The following PNPLA5 variants were observed in gnomAD, a reference collection of about 807,000 sequenced individuals.
PNPLA5 encodes the protein patatin like domain 5, triacylglycerol lipase, also known as patatin-like phospholipase domain-containing protein 5.
In PNPLA5, 44 loss-of-function variants were observed where a neutral mutation model predicts 49.1. That is an observed-to-expected ratio of 0.90 (90% confidence interval 0.70 to 1.15). The LOEUF is 1.15. Among genes scored for constraint, PNPLA5 ranks in the 50% most tolerant of loss-of-function variants. The probability of loss-of-function intolerance (pLI) is 0.00; values close to 1 mark genes in which losing one functional copy is unlikely to be tolerated. For missense variants in PNPLA5, 603 were observed against 564.0 expected (o/e 1.07, Z -0.70); for synonymous variants, 243 against 244.4 (o/e 0.99, Z 0.06).
chr22:43,890,724 T>C lies in PNPLA5; in HGVS notation c.426+338A>G, dbSNP rs1435204729. Among the ~76,000 whole-genome samples, 5 of 152,148 alleles carry C rather than the reference T, an allele frequency of 3.3e-5. 1 individual carries two copies. The highest frequency in any genetic ancestry group is 1.5e-5 in the Non-Finnish European group (1 of 68,024). ...GCACATAATAGGTGTTCAATAAATG[T>C]CAACCCACCGCCAAAAAGCGGCGGG... is the stretch of plus-strand genomic sequence containing the variant. On this transcript the variant is annotated intron_variant, in intron 2 of 8. Transcript: ENST00000216177.
intron 4 of PNPLA5, among the ~76,000 whole-genome samples, chr22:43,888,176 C>T (rs1254013989): frequency 6.6e-6 from 1 of 152,194 alleles, no homozygotes; most frequent in Non-Finnish European, 1.5e-5. Context: ...TGTGAGACTT[C>T]AGCATGGCAG....
chr22:43,881,225 G>A (rs934647518), intron 8 of PNPLA5, among the ~76,000 whole-genome samples: 6 of 152,346 alleles, frequency 3.9e-5, no homozygotes, highest in African/African-American at 1.4e-4. Context: ...CCTCGTCCAA[G>A]GTCACGTGGG....
intron 4 of PNPLA5, 84 bp downstream of exon 4, chr22:43,889,245 T>C: frequency 6.8e-7 from 1 of 1,479,484 alleles, no homozygotes; most frequent in Non-Finnish European, 9.2e-7. Context: ...CGGGGGGCAG[T>C]GGGGGTTAGG....
intron 2 of PNPLA5, among the ~76,000 whole-genome samples, chr22:43,890,214 T>C (rs1378234647): frequency 2.6e-5 from 4 of 152,192 alleles, no homozygotes; most frequent in African/African-American, 4.8e-5. Context: ...ACACATTAGC[T>C]GCCGTGACTG....
At position 43,889,508 on chromosome 22, in the gene PNPLA5, A is replaced by T. The variant is rs771602901; in HGVS notation, c.523T>A (p.Leu175Met). Residue 175 changes from leucine to methionine, a missense_variant, in exon 4 of 9, where the codon TTG (leucine) becomes ATG (methionine). Coordinates refer to ENST00000216177, the MANE Select transcript of PNPLA5 (RefSeq NM_138814.4). ...RYIDGALSNN[L>M]PFADCPSTIT... ...GTGGAGGGGCAGTCTGCAAAGGGCAAGTTGTTGCTCAGAGCCCCATCGATG... is the reference window on the plus strand; with the variant it reads ...GTGGAGGGGCAGTCTGCAAAGGGCATGTTGTTGCTCAGAGCCCCATCGATG... The T allele has an allele frequency of 1.2e-6, 2 of 1,613,242 alleles. No individual in the cohort carries two copies. The highest frequency in any genetic ancestry group is 3.3e-5 in the Admixed American group (2 of 59,978).
rs998869765 is a variant in PNPLA5, at chr22:43,880,992, C to A, written c.1200-107G>T. The stretch of plus-strand genomic sequence containing the variant: ...CAGTGAACCCAGGTCACTCTTCCCC[C>A]AAATCCTGCTCTGAGGGAGGACATG... On this transcript the variant is annotated intron_variant, in intron 8 of 8. Transcript: ENST00000216177. The A allele has an allele frequency of 3.2e-6, 4 of 1,244,700 alleles. 1 individual carries two copies. The South Asian group carries it at 1.2e-4, about 37-fold the overall frequency. The allele number at this position is 1,244,700 out of a possible 1,614,324, so 77.1% of individuals were successfully genotyped here.
At position 43,880,374 on chromosome 22, in the gene PNPLA5, A is replaced by G; in HGVS notation, c.*421T>C. ...TGCAGGACTGAGAAAGTCTGGGGGG[A>G]GCACCCCCACCCCATCATCTCAGTT... On this transcript the variant is annotated 3_prime_UTR_variant, in exon 9 of 9. Transcript: ENST00000216177. The G allele has an allele frequency of 2.5e-6, 1 of 398,356 alleles. No homozygotes were observed. The highest frequency in any genetic ancestry group is 4.4e-6 in the Non-Finnish European group (1 of 226,038). The allele number at this position is 398,356 out of a possible 1,614,324, so 24.7% of individuals were successfully genotyped here. A position where few individuals can be genotyped will look rare whatever the true frequency, so the allele number is the denominator to read the frequency against.
At chr22:43,881,495 C>G (rs948792441) in intron 8 of PNPLA5, 63 bp downstream of exon 8, 2 of 1,468,004 alleles carry the variant, frequency 1.4e-6, no homozygotes, top group Admixed American at 4.3e-5. Flanking sequence ...TCCAGGGAAG[C>G]AGCTGGTGCG....
rs765566259 is a variant in PNPLA5 at position 43,889,873 on chromosome 22, A to C, written c.427-9T>G. ...AAGGTGCAGACCAAGGCCTAGGAAGAGAAGAGTCAGCAGGAACACAACTGT... is the reference window on the plus strand; with the variant it reads ...AAGGTGCAGACCAAGGCCTAGGAAGCGAAGAGTCAGCAGGAACACAACTGT... On this transcript the variant is annotated splice_polypyrimidine_tract_variant and intron_variant, in intron 2 of 8. Transcript: ENST00000216177. 1 of 1,613,476 alleles carries C rather than the reference A, an allele frequency of 6.2e-7. No homozygotes were observed.
In PNPLA5 at chr22:43,887,574, G is replaced by A. The variant is rs1403965968; in HGVS notation, c.763+17C>T. The stretch of plus-strand genomic sequence containing the variant: ...ATGTGGGACATGATCCCCAGCCACT[G>A]TGGGACTGCCACCTACCACGTCTCT... On this transcript the variant is annotated intron_variant, in intron 5 of 8. Transcript: ENST00000216177. 12 of 1,609,002 alleles carry A rather than the reference G, an allele frequency of 7.5e-6. No individual in the cohort carries two copies. In the South Asian group the frequency reaches 1.1e-4, roughly 15 times the overall value.
chr22:43,882,024 G>A (rs1267514835), intron 7 of PNPLA5, among the ~76,000 whole-genome samples: 1 of 152,142 alleles, frequency 6.6e-6, no homozygotes, highest in Non-Finnish European at 1.5e-5. Context: ...CCATCAGCTG[G>A]GTGACCTGCA....
At chr22:43,881,014 CAT>C in intron 8 of PNPLA5, 129 bp from the exon 9 acceptor site, 1 of 1,237,172 alleles carries the variant, frequency 8.1e-7, no homozygotes, top group East Asian at 3.1e-5. Flanking sequence ...TGAGGGAGGA[CAT>C]GTGGACCTCA....
At chr22:43,887,863 G>A (rs528034866) in intron 4 of PNPLA5, 1 of 732,554 alleles carries the variant, frequency 1.4e-6, no homozygotes, top group East Asian at 1.3e-4. Context: ...GAACAGATCT[G>A]CTTGGCTAGT....
At chr22:43,891,377 C>T (rs1390490220) in intron 1 of PNPLA5, 83 bp from the exon 2 acceptor site, 2 of 1,458,738 alleles carry the variant, frequency 1.4e-6, no homozygotes, top group Non-Finnish European at 1.8e-6. Context: ...CTCCTAGGTG[C>T]AGTGGGAGCG....
chr22:43,891,357 C>T lies in PNPLA5; in HGVS notation c.194-63G>A, dbSNP rs1024241339. The stretch of plus-strand genomic sequence containing the variant: ...AGGGATCCTGCCAGTCCCTCCACAC[C>T]CCCACTGCCCTCCTAGGTGCAGTGG... On this transcript the variant is annotated intron_variant, in intron 1 of 8. Coordinates refer to ENST00000216177, the MANE Select transcript of PNPLA5 (RefSeq NM_138814.4). 3 of 1,487,048 alleles carry T rather than the reference C, an allele frequency of 2.0e-6. No homozygotes were observed. The African/African-American group carries it at 4.2e-5, about 21-fold the overall frequency. The allele number at this position is 1,487,048 out of a possible 1,614,324, so 92.1% of individuals were successfully genotyped here. A position where few individuals can be genotyped will look rare whatever the true frequency, so the allele number is the denominator to read the frequency against.
chr22:43,891,351 C>A, intron 1 of PNPLA5, 57 bp from the exon 2 acceptor site: 1 of 1,496,264 alleles, frequency 6.7e-7, no homozygotes, highest in Non-Finnish European at 8.8e-7. Flanking sequence ...GCCAGTCCCT[C>A]CACACCCCCA....
chr22:43,891,619 G>A, intron 1 of PNPLA5, 69 bp downstream of exon 1: 1 of 1,461,688 alleles, frequency 6.8e-7, no homozygotes, highest in East Asian at 2.6e-5. Context: ...AGGCACCAGC[G>A]TCTCTGGGCT....
intron 5 of PNPLA5, chr22:43,886,724 G>T: frequency 1.8e-6 from 1 of 554,082 alleles, no homozygotes; most frequent in Non-Finnish European, 2.3e-6. Context: ...ACAATCCAGA[G>T]TTCGAATTCT....
chr22:43,887,701 C>T (rs1569507328), intron 4 of PNPLA5, 50 bp from the exon 5 acceptor site: 2 of 1,567,302 alleles, frequency 1.3e-6, no homozygotes, highest in South Asian at 1.2e-5. Context: ...GGACCTACCC[C>T]TCGAGTGGAT....
Sources: allele counts gnomAD v4.1 joint callset (sites outside exome capture counted in the v4.1 genomes callset), GRCh38; gene constraint gnomAD v4.1.1; transcripts MANE v1.5; gene names NCBI Gene and HGNC (gene_info 2026-07-23, HGNC 2026-07-21).